Variants in AKAP12 observed in about 807,000 individuals in gnomAD.
The protein encoded by AKAP12 is A-kinase anchor protein 12.
Under a neutral mutation model 79.9 loss-of-function variants are expected in AKAP12, and 32 were observed. The ratio of observed to expected loss-of-function variants is 0.40; its 90% CI spans 0.30 to 0.54. The LOEUF (loss-of-function observed/expected upper bound fraction) is 0.54. Ranked by LOEUF, AKAP12 falls within the 20% of genes least tolerant of loss-of-function variation. The pLI, the probability that AKAP12 is intolerant of heterozygous loss-of-function variation, is 0.48. For synonymous variants in AKAP12, 808 were observed against 857.0 expected, an observed-to-expected ratio of 0.94 and a Z score of 1.00; for missense variants, 2,074 against 2,177.0, an observed-to-expected ratio of 0.95 and a Z score of 0.94.
At chr6:151,319,013 G>T (rs554722555) in intron 3 of AKAP12, among the ~76,000 whole-genome samples, 3 of 152,190 alleles carry the variant, frequency 2.0e-5, no homozygotes, top group Admixed American at 2.0e-4. Flanking sequence ...TTTTCATTTG[G>T]TCTATTTCAT....
intron 2 of AKAP12, among the ~76,000 whole-genome samples, chr6:151,260,907 G>T (rs551016795): frequency 1.3e-5 from 2 of 152,150 alleles, no homozygotes; most frequent in Non-Finnish European, 2.9e-5. Context: ...CAGGAGAATC[G>T]CTTGAACCGG....
intron 2 of AKAP12, among the ~76,000 whole-genome samples, chr6:151,300,308 G>C (rs769223835): frequency 2.6e-5 from 4 of 152,098 alleles, no homozygotes; most frequent in Non-Finnish European, 4.4e-5. Context: ...TTGCTTCTTG[G>C]TCATACTGCC....
rs1406954652 is a variant in AKAP12 at position 151,356,702 on chromosome 6, C to G, written c.*988C>G. Reference sequence around the variant, plus strand: ...CATATTTGTGCCATTCTTTTAAGAACAATGTTGCAACACATTCATTTGGAT... The same window carrying G: ...CATATTTGTGCCATTCTTTTAAGAAGAATGTTGCAACACATTCATTTGGAT... On this transcript the variant is annotated 3_prime_UTR_variant, in exon 5 of 5. Transcript: ENST00000402676. 2 of 152,186 alleles carry G rather than the reference C, an allele frequency of 1.3e-5. No homozygotes were observed. The highest frequency in any genetic ancestry group is 2.4e-5 in the African/African-American group (1 of 41,450). The allele number at this position is 152,186 out of a possible 1,614,324, so 9.4% of individuals were successfully genotyped here.
intron 3 of AKAP12, among the ~76,000 whole-genome samples, chr6:151,311,661 C>G (rs1223588463): frequency 6.6e-6 from 1 of 152,156 alleles, no homozygotes; most frequent in Non-Finnish European, 1.5e-5. Context: ...GTAACAAATA[C>G]AACACTTTAG....
In AKAP12 at chr6:151,351,170, G is replaced by A. The variant is rs1273953439; in HGVS notation, c.2779G>A (p.Ala927Thr). Residue 927 changes from alanine to threonine, a missense_variant, in exon 4 of 5, where the codon GCT (alanine) becomes ACT (threonine). By Grantham distance (58) the Ala-to-Thr change is moderately conservative (BLOSUM62 0). Coordinates refer to ENST00000402676, the MANE Select transcript of AKAP12 (RefSeq NM_005100.4). The surrounding 1 kb of genome is among the most constrained non-coding windows in gnomAD (Gnocchi z 4.4). ...SVTEPLEQVE[A>T]EAALLTEEVL... is the part of the protein sequence containing the mutation. ...GACAGAACCTCTTGAACAAGTAGAA[G>A]CTGAAGCCGCACTGTTAACTGAGGA... The A allele has an allele frequency of 1.9e-6, 3 of 1,614,202 alleles. No individual in the cohort carries two copies. Among genetic ancestry groups the A allele is most frequent in the South Asian group, 1.1e-5 (1 of 91,088 alleles).
intron 2 of AKAP12, among the ~76,000 whole-genome samples, chr6:151,255,166 G>GT (rs1202162055): frequency 2.0e-5 from 2 of 99,964 alleles, no homozygotes; most frequent in Non-Finnish European, 4.0e-5. Context: ...ATTGATAAAT[G>GT]TTTTTGTTTT....
At chr6:151,288,018 A>G (rs1346567582) in intron 2 of AKAP12, among the ~76,000 whole-genome samples, 3 of 151,758 alleles carry the variant, frequency 2.0e-5, no homozygotes, top group African/African-American at 7.3e-5. Flanking sequence ...GAACAAGGAG[A>G]ACACCTGGAC....
rs553319396 is a variant in AKAP12, at chr6:151,358,123, C to T, written c.*2409C>T. On this transcript the variant is annotated 3_prime_UTR_variant, in exon 5 of 5. Coordinates refer to ENST00000402676, the MANE Select transcript of AKAP12 (RefSeq NM_005100.4). ...ACCAACAGTAGCATGAAATATAATA[C>T]TGTTTTATAATTCTAAAGCTGCTGT... is the stretch of plus-strand genomic sequence containing the variant. 1 of 152,260 alleles carries T rather than the reference C, an allele frequency of 6.6e-6. No individual in the cohort carries two copies. Among genetic ancestry groups the T allele is most frequent in the Non-Finnish European group, 1.5e-5 (1 of 68,016 alleles). 9.4% of individuals were successfully genotyped at this position (152,260 alleles called of 1,614,324 possible).
intron 3 of AKAP12, among the ~76,000 whole-genome samples, chr6:151,346,349 A>G (rs1778102948): frequency 6.6e-6 from 1 of 152,232 alleles, no homozygotes; most frequent in Admixed American, 6.5e-5. Flanking sequence ...CATTTATGGA[A>G]AGCCACATCA....
rs540279952 is a variant in AKAP12, at chr6:151,288,940, T to A, written c.163-16807T>A. Among the ~76,000 whole-genome samples, 7 of 152,344 alleles carry A rather than the reference T, an allele frequency of 4.6e-5. 1 individual carries two copies. The South Asian group carries it at 1.4e-3, about 32-fold the overall frequency. On this transcript the variant is annotated intron_variant, in intron 2 of 4. Transcript: ENST00000402676. ...AAGCTCTTCTGACAGCTATAACTTA[T>A]GATTTATAAATGAGGTTAATGGATT... is the stretch of plus-strand genomic sequence containing the variant.
chr6:151,274,041 A>C (rs923471567), intron 2 of AKAP12, among the ~76,000 whole-genome samples: 3 of 146,828 alleles, frequency 2.0e-5, no homozygotes, highest in African/African-American at 7.7e-5. Flanking sequence ...AAACAAAAAC[A>C]AAAAAGAATG....
chr6:151,306,002 T>G, intron 3 of AKAP12, 99 bp downstream of exon 3: 1 of 1,283,286 alleles, frequency 7.8e-7, no homozygotes, highest in Non-Finnish European at 1.1e-6. Flanking sequence ...GGTGGATTGG[T>G]GTTAACAGCA....
In AKAP12 at chr6:151,353,447, G is replaced by A. The variant is rs1205471405; in HGVS notation, c.5056G>A (p.Glu1686Lys). 1 of 1,614,080 alleles carries A rather than the reference G, an allele frequency of 6.2e-7. No individual in the cohort carries two copies. The highest frequency in any genetic ancestry group is 8.5e-7 in the Non-Finnish European group (1 of 1,180,046). Residue 1686 changes from glutamate (E) to lysine (K), a missense_variant, in exon 4 of 5, where the codon GAA becomes AAA. By Grantham distance (56) the Glu-to-Lys change is moderately conservative (BLOSUM62 1). Coordinates refer to ENST00000402676, the MANE Select transcript of AKAP12 (RefSeq NM_005100.4). ...AGATGATGGTCATGCCTTGTTAGCA[G>A]AAAGAATAGAGAAGTCACTAGTTGA... ...PEDDGHALLA[E>K]RIEKSLVEPK...
At chr6:151,290,728 C>T (rs1776600774) in intron 2 of AKAP12, among the ~76,000 whole-genome samples, 1 of 152,148 alleles carries the variant, frequency 6.6e-6, no homozygotes, top group East Asian at 1.9e-4. Flanking sequence ...GCCTCAGTCT[C>T]CCGAGTAGCT....
intron 2 of AKAP12, among the ~76,000 whole-genome samples, chr6:151,255,195 C>T (rs572951823): frequency 1.7e-4 from 25 of 150,370 alleles, no homozygotes; most frequent in South Asian, 1.0e-3. Context: ...GACGGAGTTT[C>T]GCTCTTGTTG....
intron 2 of AKAP12, among the ~76,000 whole-genome samples, chr6:151,268,294 G>T (rs1776096686): frequency 6.6e-6 from 1 of 152,152 alleles, no homozygotes; most frequent in South Asian, 2.1e-4. Flanking sequence ...GCACGTGCCT[G>T]TAATCCCAGC....
intron 3 of AKAP12, among the ~76,000 whole-genome samples, chr6:151,348,038 C>T (rs1778150946): frequency 6.6e-6 from 1 of 151,890 alleles, no homozygotes; most frequent in African/African-American, 2.4e-5. Context: ...AAATTAGCCT[C>T]CCTACTCGGG....
chr6:151,314,372 T>G (rs1241075829), intron 3 of AKAP12, among the ~76,000 whole-genome samples: 1 of 152,154 alleles, frequency 6.6e-6, no homozygotes, highest in Non-Finnish European at 1.5e-5. Context: ...AAGTTTTAAT[T>G]TAATTAAACA....
chr6:151,306,327 A>G (rs997226261), intron 3 of AKAP12, among the ~76,000 whole-genome samples: 3 of 152,182 alleles, frequency 2.0e-5, no homozygotes, highest in African/African-American at 7.2e-5. Flanking sequence ...CGTGTTTTAT[A>G]GCTCTTGAGC....
Sources: allele counts gnomAD v4.1 joint callset (sites outside exome capture counted in the v4.1 genomes callset), GRCh38; gene constraint gnomAD v4.1.1; non-coding constraint Gnocchi (gnomAD v3.1); transcripts MANE v1.5; gene names NCBI Gene and HGNC (gene_info 2026-07-23, HGNC 2026-07-21).